ZNF385D: variants seen among roughly 807,000 people sequenced by gnomAD.
ZNF385D encodes zinc finger protein 385D.
In ZNF385D, 15 loss-of-function variants were observed where a neutral mutation model predicts 35.8. That is an observed-to-expected ratio of 0.42 (90% CI 0.28 to 0.64). The LOEUF (loss-of-function observed/expected upper bound fraction) is 0.64, where lower values mean the gene tolerates loss of function less well. Among genes scored for constraint, ZNF385D ranks in the 30% least tolerant of loss-of-function variants. The pLI is 0.23. For missense variants in ZNF385D, 474 were observed against 494.6 expected (o/e 0.96, Z 0.39); for synonymous variants, 212 against 186.8 (o/e 1.13, Z -1.10).
intron 3 of ZNF385D, among the ~76,000 whole-genome samples, chr3:21,804,004 A>G (rs1265193870): frequency 6.6e-6 from 1 of 152,228 alleles, no homozygotes; most frequent in Non-Finnish European, 1.5e-5. Flanking sequence ...TACACAATGA[A>G]GAAACCTTTG....
chr3:22,011,998 G>T (rs1696603887), intron 3 of ZNF385D, among the ~76,000 whole-genome samples: 1 of 151,998 alleles, frequency 6.6e-6, no homozygotes, highest in Non-Finnish European at 1.5e-5. Context: ...TGTGTTTCTA[G>T]ATCCACATAA....
At chr3:21,925,022 G>C (rs1278634757) in intron 3 of ZNF385D, among the ~76,000 whole-genome samples, 1 of 152,086 alleles carries the variant, frequency 6.6e-6, no homozygotes, top group Non-Finnish European at 1.5e-5. Flanking sequence ...AAAATAAGTG[G>C]AGGTACATAC....
chr3:21,712,422 T>C (rs761495505), intron 1 of ZNF385D, among the ~76,000 whole-genome samples: 8 of 152,216 alleles, frequency 5.3e-5, no homozygotes, highest in African/African-American at 7.2e-5. Context: ...CTTCTCTTAC[T>C]TCATTATGTG....
At chr3:21,994,776 T>C (rs990357339) in intron 3 of ZNF385D, among the ~76,000 whole-genome samples, 1 of 152,222 alleles carries the variant, frequency 6.6e-6, no homozygotes, top group African/African-American at 2.4e-5. Flanking sequence ...CATGGTAGTG[T>C]AGTCTCAGTA....
chr3:21,530,599 G>A (rs746577462), intron 3 of ZNF385D, among the ~76,000 whole-genome samples: 1 of 152,076 alleles, frequency 6.6e-6, no homozygotes, highest in Non-Finnish European at 1.5e-5. Flanking sequence ...ACATACTAAG[G>A]GTGTTTTCAT....
chr3:21,969,065 A>G (rs1198028081), intron 3 of ZNF385D, among the ~76,000 whole-genome samples: 3 of 152,128 alleles, frequency 2.0e-5, no homozygotes, highest in African/African-American at 7.2e-5. Flanking sequence ...GTGAACATTA[A>G]TAACAGCCAG....
At chr3:22,153,613 AC>A (rs772062897) in intron 3 of ZNF385D, among the ~76,000 whole-genome samples, 3 of 151,544 alleles carry the variant, frequency 2.0e-5, no homozygotes, top group Non-Finnish European at 4.4e-5. Flanking sequence ...AAAGGCACCC[AC>A]CACTATACCC....
intron 3 of ZNF385D, among the ~76,000 whole-genome samples, chr3:22,010,565 T>C (rs1382686954): frequency 6.6e-6 from 1 of 152,182 alleles, no homozygotes; most frequent in South Asian, 2.1e-4. Flanking sequence ...TATGACACAG[T>C]TGAGATAACT....
intron 2 of ZNF385D, among the ~76,000 whole-genome samples, chr3:22,352,606 ACAGCAAC>A (rs1457198344): frequency 1.3e-5 from 2 of 152,170 alleles, no homozygotes; most frequent in African/African-American, 4.8e-5. Context: ...CTTACTGAAC[ACAGCAAC>A]CATCCAGGTC....
chr3:21,658,896 C>G (rs73138831), intron 2 of ZNF385D, among the ~76,000 whole-genome samples: 2 of 151,960 alleles, frequency 1.3e-5, no homozygotes, highest in Admixed American at 6.6e-5. Flanking sequence ...CTAGAGGTAC[C>G]TGCCAGTGTA....
At chr3:22,017,631 A>G (rs183174321) in intron 3 of ZNF385D, among the ~76,000 whole-genome samples, 4 of 152,004 alleles carry the variant, frequency 2.6e-5, no homozygotes, top group Admixed American at 1.3e-4. Flanking sequence ...CTGGGTTTCA[A>G]TAAATAAATG....
chr3:22,271,836 T>A (rs1013337435), intron 2 of ZNF385D, among the ~76,000 whole-genome samples: 1 of 152,010 alleles, frequency 6.6e-6, no homozygotes, highest in Non-Finnish European at 1.5e-5. Flanking sequence ...CCTATACAGA[T>A]GGTCCCTGGC....
chr3:22,282,653 T>G (rs952730232), intron 2 of ZNF385D, among the ~76,000 whole-genome samples: 1 of 152,078 alleles, frequency 6.6e-6, no homozygotes, highest in Non-Finnish European at 1.5e-5. Context: ...GGGCCTATCA[T>G]GTGATCTGTC....
intron 1 of ZNF385D, among the ~76,000 whole-genome samples, chr3:21,720,243 G>A (rs148486410): frequency 6.6e-6 from 1 of 152,146 alleles, no homozygotes; most frequent in African/African-American, 2.4e-5. Flanking sequence ...CAGCAGCATC[G>A]TCATCATCGG....
intron 4 of ZNF385D, among the ~76,000 whole-genome samples, chr3:21,487,128 A>G (rs1313318607): frequency 6.6e-6 from 1 of 152,154 alleles, no homozygotes; most frequent in Non-Finnish European, 1.5e-5. Flanking sequence ...CCATTAGAAT[A>G]AGGCTTTTCA....
chr3:21,957,677 A>T (rs193284974), intron 3 of ZNF385D, among the ~76,000 whole-genome samples: 10 of 152,188 alleles, frequency 6.6e-5, no homozygotes, highest in Admixed American at 1.3e-4. Flanking sequence ...TCTGCCTCCC[A>T]GCATAACCAT....
chr3:22,095,574 G>A (rs1205401928), intron 3 of ZNF385D, among the ~76,000 whole-genome samples: 1 of 151,970 alleles, frequency 6.6e-6, no homozygotes, highest in African/African-American at 2.4e-5. Context: ...TAAAAATGCT[G>A]CATACATGGA....
At chr3:22,001,049 T>C (rs1248038785) in intron 3 of ZNF385D, among the ~76,000 whole-genome samples, 1 of 151,412 alleles carries the variant, frequency 6.6e-6, no homozygotes, top group Non-Finnish European at 1.5e-5. Flanking sequence ...ATCAATGAAC[T>C]GCAATGAGAA....
chr3:22,301,708 T>A (rs1702911319), intron 2 of ZNF385D, among the ~76,000 whole-genome samples: 1 of 152,080 alleles, frequency 6.6e-6, no homozygotes, highest in Admixed American at 6.6e-5. Context: ...CTAGCACATT[T>A]CTTACCCTTG....
Sources: allele counts gnomAD v4.1 joint callset (sites outside exome capture counted in the v4.1 genomes callset), GRCh38; gene constraint gnomAD v4.1.1; transcripts MANE v1.5; gene names NCBI Gene and HGNC (gene_info 2026-07-23, HGNC 2026-07-21).